PLAG1: variants seen among roughly 807,000 people sequenced by gnomAD.
PLAG1 encodes PLAG1 zinc finger, also known as zinc finger protein PLAG1.
Under a neutral mutation model 35.5 loss-of-function variants are expected in PLAG1, and 7 were observed. The observed-to-expected ratio is 0.20, with a 90% CI of 0.11 to 0.37. The LOEUF (loss-of-function observed/expected upper bound fraction) is 0.37. Ranked by LOEUF, PLAG1 falls within the 10% of genes least tolerant of loss-of-function variation. The pLI, the probability that PLAG1 is intolerant of heterozygous loss-of-function variation, is 1.00. For synonymous variants in PLAG1, 229 were observed against 225.4 expected (o/e 1.02, Z -0.14); for missense variants, 454 against 602.8 (o/e 0.75, Z 2.58).
intron 3 of PLAG1, among the ~76,000 whole-genome samples, chr8:56,170,197 T>C (rs1026410690): frequency 1.3e-5 from 2 of 152,232 alleles, no homozygotes; most frequent in African/African-American, 2.4e-5. Flanking sequence ...CTTTATTAGG[T>C]AGATACAGGC....
Position 56,166,312 on chromosome 8 carries a change from C to G in PLAG1, c.1434G>C (p.Leu478=). ...NTIGLGSLHS[L]SAAFTSSLST... is the part of the protein sequence containing the mutation. ...TTAAACTGCTGGTGAAAGCTGCTGA[C>G]AGTGAGTGCAGAGACCCAAGCCCTA... Residue 478 remains leucine, a synonymous_variant, in exon 5 of 5, where the codon CTG becomes CTC. Transcript: ENST00000316981. 6.2e-7 allele frequency: 1 copy of G among 1,612,866 alleles called. No individual in the cohort carries two copies. The highest frequency in any genetic ancestry group is 8.5e-7 in the Non-Finnish European group (1 of 1,179,422).
intron 1 of PLAG1, among the ~76,000 whole-genome samples, chr8:56,186,392 G>A (rs936064281): frequency 1.3e-5 from 2 of 151,396 alleles, no homozygotes; most frequent in Non-Finnish European, 2.9e-5. Flanking sequence ...TTTTTTTTGA[G>A]ATGGGATCTC....
rs148400693 is a variant in PLAG1 at position 56,176,210 on chromosome 8, C to T, written c.-217+3199G>A. 3.1e-3 allele frequency among the ~76,000 whole-genome samples: 478 copies of T among 152,050 alleles called. 3 individuals carry two copies. Among genetic ancestry groups the T allele is most frequent in the African/African-American group, 0.011 (450 of 41,468 alleles). On this transcript the variant is annotated intron_variant, in intron 2 of 4. Transcript: ENST00000316981. ...GATTACAGGCATGTACCATCATACC[C>T]GGCTAATTTTTTGTTATCTTTAGTA...
chr8:56,183,805 C>G (rs1461089582), intron 1 of PLAG1, among the ~76,000 whole-genome samples: 26 of 152,086 alleles, frequency 1.7e-4, no homozygotes, highest in Admixed American at 1.7e-3. Context: ...ATTGGAATCA[C>G]ATCTCACACC....
chr8:56,170,602 C>T (rs1056357308), intron 3 of PLAG1, among the ~76,000 whole-genome samples: 2 of 152,180 alleles, frequency 1.3e-5, no homozygotes, highest in East Asian at 1.9e-4. Flanking sequence ...ATCTAAATCC[C>T]TGTATATAAC....
chr8:56,163,103 CGT>C lies in PLAG1; in HGVS notation c.*3138_*3139del, dbSNP rs1554531779. ...CAAGATCCTTCCACACTCACACTTC[CGT>C]GTTTGGTGACCTAACTTGTACATAC... On this transcript the variant is annotated 3_prime_UTR_variant, in exon 5 of 5. Transcript: ENST00000316981. The C allele has an allele frequency of 1.9e-5, 4 of 208,764 alleles. No homozygotes were observed. Among genetic ancestry groups the C allele is most frequent in the East Asian group, 7.1e-5 (1 of 14,024 alleles). The allele number at this position is 208,764 out of a possible 1,614,324, so 12.9% of individuals were successfully genotyped here. A position where few individuals can be genotyped will look rare whatever the true frequency, so the allele number is the denominator to read the frequency against.
rs1585767503 is a variant in PLAG1, at chr8:56,162,254, T to A, written c.*3989A>T. 4.4e-6 allele frequency: 1 copy of A among 228,768 alleles called. No homozygotes were observed. Among genetic ancestry groups the A allele is most frequent in the East Asian group, 6.3e-5 (1 of 15,990 alleles). The allele number at this position is 228,768 out of a possible 1,614,324, so 14.2% of individuals were successfully genotyped here. On this transcript the variant is annotated 3_prime_UTR_variant, in exon 5 of 5. Coordinates refer to ENST00000316981, the MANE Select transcript of PLAG1 (RefSeq NM_002655.3). ...TGACGAATACTAAACATTTAAAAGA[T>A]CTCCTCCAATGTCACATGGATCTCA...
At chr8:56,206,046 A>G (rs1440803173) in intron 1 of PLAG1, among the ~76,000 whole-genome samples, 1 of 152,002 alleles carries the variant, frequency 6.6e-6, no homozygotes, top group Non-Finnish European at 1.5e-5. Flanking sequence ...TCTGTTTTAT[A>G]AAATTTTTAA....
intron 1 of PLAG1, among the ~76,000 whole-genome samples, chr8:56,189,820 G>A (rs1225817356): frequency 1.3e-5 from 2 of 152,194 alleles, no homozygotes; most frequent in African/African-American, 4.8e-5. Context: ...CCAGTCGGGG[G>A]AGAAGAAGAA....
intron 2 of PLAG1, among the ~76,000 whole-genome samples, chr8:56,171,994 A>C (rs1811540940): frequency 6.6e-6 from 1 of 152,232 alleles, no homozygotes; most frequent in Non-Finnish European, 1.5e-5. Context: ...CAAAAGGCAG[A>C]ATAGAATCAC....
intron 1 of PLAG1, among the ~76,000 whole-genome samples, chr8:56,203,697 G>T (rs1812623440): frequency 6.6e-6 from 1 of 152,022 alleles, no homozygotes; most frequent in Non-Finnish European, 1.5e-5. Flanking sequence ...CAAATAACTA[G>T]TAGGGCTGCT....
chr8:56,183,014 A>T (rs988027973), intron 1 of PLAG1, among the ~76,000 whole-genome samples: 2 of 152,194 alleles, frequency 1.3e-5, no homozygotes, highest in African/African-American at 4.8e-5. Context: ...GAAGGGTCCT[A>T]TGTCTGGGAA....
chr8:56,188,425 G>A (rs976278607), intron 1 of PLAG1, among the ~76,000 whole-genome samples: 2 of 152,298 alleles, frequency 1.3e-5, no homozygotes, highest in East Asian at 1.9e-4. Context: ...AAATTATTAC[G>A]TGTATATTTT....
intron 1 of PLAG1, among the ~76,000 whole-genome samples, chr8:56,199,522 T>G (rs938706258): frequency 2.0e-5 from 3 of 152,184 alleles, no homozygotes; most frequent in Non-Finnish European, 2.9e-5. Flanking sequence ...TGTATTTTAT[T>G]TTTTTGATTT....
intron 1 of PLAG1, among the ~76,000 whole-genome samples, chr8:56,203,463 T>C (rs542474230): frequency 3.9e-5 from 6 of 152,210 alleles, no homozygotes; most frequent in Admixed American, 1.3e-4. Context: ...CTTACACCTT[T>C]TTCTTAAAAA....
chr8:56,168,020 T>A lies in PLAG1; in HGVS notation c.242+8A>T. On this transcript the variant is annotated splice_region_variant and intron_variant, in intron 4 of 4. Transcript: ENST00000316981. ...AATATAATCTGAAAGACAAATAGAG[T>A]TTAATACCTTTGTAATTTGTACTTA... is the stretch of plus-strand genomic sequence containing the variant. 1 of 1,418,280 alleles carries A rather than the reference T, an allele frequency of 7.1e-7. No homozygotes were observed. Among genetic ancestry groups the A allele is most frequent in the South Asian group, 1.2e-5 (1 of 82,046 alleles). The allele number at this position is 1,418,280 out of a possible 1,614,324, so 87.9% of individuals were successfully genotyped here.
chr8:56,177,043 G>A (rs938196751), intron 2 of PLAG1, among the ~76,000 whole-genome samples: 2 of 152,128 alleles, frequency 1.3e-5, no homozygotes, highest in Non-Finnish European at 2.9e-5. Context: ...TATAAGAAAA[G>A]TGCTAAAGAA....
chr8:56,173,807 G>A (rs1811605688), intron 2 of PLAG1, among the ~76,000 whole-genome samples: 1 of 152,118 alleles, frequency 6.6e-6, no homozygotes, highest in Admixed American at 6.6e-5. Flanking sequence ...AAACAATAGA[G>A]AGAGTATGGC....
rs1210231718 is a variant in PLAG1 at position 56,163,578 on chromosome 8, T to A, written c.*2665A>T. ...AGGCAAAGAGGTGTACACATGAAAATTAAGACTCCAAAATTTTAACACTGG... is the reference window on the plus strand; with the variant it reads ...AGGCAAAGAGGTGTACACATGAAAAATAAGACTCCAAAATTTTAACACTGG... On this transcript the variant is annotated 3_prime_UTR_variant, in exon 5 of 5. Coordinates refer to ENST00000316981, the MANE Select transcript of PLAG1 (RefSeq NM_002655.3). 3.5e-5 allele frequency: 7 copies of A among 198,538 alleles called. No homozygotes were observed. Among genetic ancestry groups the A allele is most frequent in the Non-Finnish European group, 1.0e-5 (1 of 95,790 alleles). 12.3% of individuals were successfully genotyped at this position (198,538 alleles called of 1,614,324 possible). A position where few individuals can be genotyped will look rare whatever the true frequency, so the allele number is the denominator to read the frequency against.
Sources: allele counts gnomAD v4.1 joint callset (sites outside exome capture counted in the v4.1 genomes callset), GRCh38; gene constraint gnomAD v4.1.1; transcripts MANE v1.5; gene names NCBI Gene and HGNC (gene_info 2026-07-23, HGNC 2026-07-21).